The following RYR2 variants were observed in gnomAD, a reference collection of about 807,000 sequenced individuals.
The protein encoded by RYR2 is ryanodine receptor 2, also known as cardiac muscle ryanodine receptor-calcium release channel.
Under a neutral mutation model 601.1 loss-of-function variants are expected in RYR2, and 227 were observed. That is an observed-to-expected ratio of 0.38 (90% confidence interval 0.34 to 0.42). RYR2 has a LOEUF of 0.42. Ranked by LOEUF, RYR2 falls within the 10% of genes least tolerant of loss-of-function variation. The pLI, the probability that RYR2 is intolerant of heterozygous loss-of-function variation, is 1.00. For synonymous variants in RYR2, 2,223 were observed against 2,175.1 expected (o/e 1.02, Z -0.61); for missense variants, 4,646 against 6,156.5 (o/e 0.75, Z 8.21).
At chr1:237,382,438 A>G (rs549737752) in intron 8 of RYR2, among the ~76,000 whole-genome samples, 1 of 152,298 alleles carries the variant, frequency 6.6e-6, no homozygotes, top group East Asian at 1.9e-4. Context: ...CAGGATTGTT[A>G]CATATGTATA....
chr1:237,630,051 C>T (rs1680090751), intron 41 of RYR2, among the ~76,000 whole-genome samples: 1 of 151,988 alleles, frequency 6.6e-6, no homozygotes, highest in Admixed American at 6.6e-5. Flanking sequence ...TCTTAATTAA[C>T]CAAATGAAAA....
intron 10 of RYR2, among the ~76,000 whole-genome samples, chr1:237,412,011 G>C (rs1704508059): frequency 6.6e-6 from 1 of 151,916 alleles, no homozygotes; most frequent in Non-Finnish European, 1.5e-5. Context: ...GTAAATATAT[G>C]CCCAACTGTC....
intron 1 of RYR2, among the ~76,000 whole-genome samples, chr1:237,208,963 TA>T (rs1682176595): frequency 1.9e-5 from 2 of 106,082 alleles, no homozygotes; most frequent in Admixed American, 1.0e-4. Context: ...TATATATATA[TA>T]TATATATATA....
chr1:237,548,191 A>C (rs1670019521), intron 25 of RYR2, among the ~76,000 whole-genome samples: 1 of 152,208 alleles, frequency 6.6e-6, no homozygotes, highest in Admixed American at 6.5e-5. Flanking sequence ...GAGACAGGTA[A>C]GTTGTCTCAT....
At chr1:237,365,554 C>T (rs116502586) in intron 5 of RYR2, among the ~76,000 whole-genome samples, 4 of 152,220 alleles carry the variant, frequency 2.6e-5, no homozygotes, top group African/African-American at 4.8e-5. Context: ...GAAGAGAGGA[C>T]GTTAATCCCT....
chr1:237,360,539 T>C (rs1475699538), intron 4 of RYR2, among the ~76,000 whole-genome samples: 1 of 152,224 alleles, frequency 6.6e-6, no homozygotes, highest in East Asian at 1.9e-4. Flanking sequence ...ATGTCAAATT[T>C]ATTATACTCG....
In RYR2 at chr1:237,617,303, G is replaced by A; in HGVS notation, c.5733G>A (p.Gln1911=). ...PVKLQMCLLL[Q]YLCDCQVRHR... ...TCTCTTAGATGTGCCTACTGCTTCA[G>A]TACCTCTGTGACTGCCAGGTCCGGC... is the stretch of plus-strand genomic sequence containing the variant. Residue 1911 remains glutamine (Q), a synonymous_variant, in exon 38 of 105, where the codon CAG becomes CAA. Transcript: ENST00000366574. 1 of 1,612,898 alleles carries A rather than the reference G, an allele frequency of 6.2e-7. No individual in the cohort carries two copies. Among genetic ancestry groups the A allele is most frequent in the Non-Finnish European group, 8.5e-7 (1 of 1,179,370 alleles).
chr1:237,747,275 A>T (rs1043760938), intron 80 of RYR2, among the ~76,000 whole-genome samples: 3 of 152,206 alleles, frequency 2.0e-5, no homozygotes, highest in African/African-American at 7.2e-5. Flanking sequence ...GAATTATCTG[A>T]TGAGTCTGAG....
At chr1:237,118,292 C>A (rs1670363242) in intron 1 of RYR2, among the ~76,000 whole-genome samples, 1 of 151,866 alleles carries the variant, frequency 6.6e-6, no homozygotes, top group Non-Finnish European at 1.5e-5. Flanking sequence ...TTCCCACTCA[C>A]CTTACAGAAA....
Position 237,305,915 on chromosome 1 carries a change from C to A in RYR2, c.169-24963C>A, listed in dbSNP as rs189030390. On this transcript the variant is annotated intron_variant, in intron 2 of 104. Coordinates refer to ENST00000366574, the MANE Select transcript of RYR2 (RefSeq NM_001035.3). ...TTTAAAATATGCATTTCTTTACATACATATTTTGGAATATATGATACAAAG... is the reference window on the plus strand; with the variant it reads ...TTTAAAATATGCATTTCTTTACATAAATATTTTGGAATATATGATACAAAG... Among the ~76,000 whole-genome samples the A allele has an allele frequency of 3.9e-3, 597 of 152,250 alleles. 4 individuals are homozygous for A. The highest frequency in any genetic ancestry group is 0.013 in the African/African-American group (531 of 41,554).
chr1:237,744,042 G>A (rs1691848467), intron 80 of RYR2, among the ~76,000 whole-genome samples: 1 of 152,050 alleles, frequency 6.6e-6, no homozygotes, highest in Non-Finnish European at 1.5e-5. Flanking sequence ...TTGGAAAGAA[G>A]CCTGCTTTTC....
chr1:237,400,188 G>T (rs1328852427), intron 10 of RYR2, among the ~76,000 whole-genome samples: 1 of 152,074 alleles, frequency 6.6e-6, no homozygotes, highest in African/African-American at 2.4e-5. Context: ...AATGTTCAAG[G>T]GATTTTTATT....
At chr1:237,777,083 T>G (rs900057105) in intron 87 of RYR2, among the ~76,000 whole-genome samples, 1 of 152,176 alleles carries the variant, frequency 6.6e-6, no homozygotes, top group Non-Finnish European at 1.5e-5. Context: ...AGACAGAAAC[T>G]GAGCTCACAT....
intron 13 of RYR2, among the ~76,000 whole-genome samples, chr1:237,443,823 T>A (rs1708113331): frequency 6.6e-6 from 1 of 152,228 alleles, no homozygotes. Flanking sequence ...AGTTTGCCAA[T>A]CCTTGGTCTA....
At chr1:237,491,958 C>G (rs1211029842) in intron 18 of RYR2, 34 bp downstream of exon 18, 10 of 888,604 alleles carry the variant, frequency 1.1e-5, no homozygotes, top group Non-Finnish European at 1.8e-5. Flanking sequence ...TGAATGAATT[C>G]TCAAATCCTT....
chr1:237,168,950 C>T (rs936441572), intron 1 of RYR2, among the ~76,000 whole-genome samples: 15 of 152,198 alleles, frequency 9.9e-5, no homozygotes, highest in South Asian at 2.1e-4. Context: ...TTTTATTCTT[C>T]GTAGTCAACC....
At chr1:237,786,522 C>T (rs1438076630) in intron 91 of RYR2, among the ~76,000 whole-genome samples, 1 of 152,224 alleles carries the variant, frequency 6.6e-6, no homozygotes, top group Non-Finnish European at 1.5e-5. Flanking sequence ...AACAAACATT[C>T]CTGGGCCCCA....
chr1:237,784,828 A>G lies in RYR2; in HGVS notation c.13116A>G (p.Glu4372=), dbSNP rs759040004. Reference sequence around the variant, plus strand: ...CCGACTTAAAGGAGCTGACAGAGGAAAGTGACCTTCTTTCGGACATCTTTG... The same window carrying G: ...CCGACTTAAAGGAGCTGACAGAGGAGAGTGACCTTCTTTCGGACATCTTTG... ...DLTDLKELTE[E]SDLLSDIFGL... is the part of the protein sequence containing the mutation. The change falls in exon 90 of 105, where the codon GAA becomes GAG. Residue 4372 remains glutamate, a synonymous_variant. Coordinates refer to ENST00000366574, the MANE Select transcript of RYR2 (RefSeq NM_001035.3). The surrounding 1 kb of genome is among the most constrained non-coding windows in gnomAD (Gnocchi z 7.1). 2 of 1,613,740 alleles carry G rather than the reference A, an allele frequency of 1.2e-6. No homozygotes were observed. The highest frequency in any genetic ancestry group is 1.7e-5 in the Admixed American group (1 of 60,010).
chr1:237,212,624 G>A (rs971796876), intron 1 of RYR2, among the ~76,000 whole-genome samples: 4 of 151,998 alleles, frequency 2.6e-5, no homozygotes, highest in Admixed American at 6.6e-5. Context: ...AAAAGGAAAC[G>A]TAGAAACAAT....
Sources: allele counts gnomAD v4.1 joint callset (sites outside exome capture counted in the v4.1 genomes callset), GRCh38; gene constraint gnomAD v4.1.1; non-coding constraint Gnocchi (gnomAD v3.1); transcripts MANE v1.5; gene names NCBI Gene and HGNC (gene_info 2026-07-23, HGNC 2026-07-21).